The following ROBO1 variants were observed in gnomAD, a reference collection of about 807,000 sequenced individuals.
ROBO1 encodes roundabout guidance receptor 1.
ROBO1 carries 149 observed loss-of-function variants against 195.9 expected under a neutral mutation model. The observed-to-expected ratio is 0.76, with a 90% CI of 0.67 to 0.87. The LOEUF is 0.87. ROBO1 is among the 40% of genes least tolerant of loss of function. The pLI is 0.00. For missense variants in ROBO1, 1,933 were observed against 2,068.3 expected (o/e 0.93, Z 1.27); for synonymous variants, 816 against 733.2 (o/e 1.11, Z -1.82).
rs560540272 is a variant in ROBO1, at chr3:78,919,244, C to T, written c.499+19357G>A. ...GATCCTCTGAACAGGGGAATTCACA[C>T]ACAGACTAGCTTAGACAGTGCAAGG... On this transcript the variant is annotated intron_variant, in intron 4 of 30. Transcript: ENST00000464233. Among the ~76,000 whole-genome samples the T allele has an allele frequency of 9.9e-5, 15 of 152,260 alleles. No homozygotes were observed. The South Asian group carries it at 3.1e-3, about 32-fold the overall frequency.
At chr3:79,672,897 A>G (rs1238930981) in intron 1 of ROBO1, among the ~76,000 whole-genome samples, 2 of 151,982 alleles carry the variant, frequency 1.3e-5, no homozygotes, top group Admixed American at 6.6e-5. Flanking sequence ...CAGCATGTGG[A>G]TGCCAAGATG....
chr3:78,757,499 A>G (rs752255400), intron 4 of ROBO1, among the ~76,000 whole-genome samples: 17 of 151,982 alleles, frequency 1.1e-4, no homozygotes, highest in Admixed American at 2.0e-4. Flanking sequence ...CCACAATACC[A>G]GCAGTTAAAT....
intron 1 of ROBO1, among the ~76,000 whole-genome samples, chr3:79,600,593 T>G (rs1332232611): frequency 6.6e-6 from 1 of 151,790 alleles, no homozygotes; most frequent in Non-Finnish European, 1.5e-5. Context: ...TTAGAGGGGG[T>G]TGCTGTGATC....
At chr3:78,623,489 G>A (rs1704575005) in intron 26 of ROBO1, among the ~76,000 whole-genome samples, 1 of 152,100 alleles carries the variant, frequency 6.6e-6, no homozygotes. Context: ...GGCACACAGG[G>A]GTCAGATCAC....
In ROBO1 at chr3:78,611,312, G is replaced by C. The variant is rs200084068; in HGVS notation, c.4435+3336C>G. ...TGAAAAGTAGGAATGGAGAAATAAT[G>C]TAGATTTGGTTTTTAAATCAACTAT... On this transcript the variant is annotated intron_variant, in intron 28 of 30. Transcript: ENST00000464233. Among the ~76,000 whole-genome samples the C allele has an allele frequency of 7.9e-5, 12 of 152,300 alleles. No homozygotes were observed. The East Asian group carries it at 2.3e-3, about 29-fold the overall frequency.
chr3:79,310,780 A>AG lies in ROBO1; in HGVS notation c.89-185242_89-185241insC, dbSNP rs967375843. Reference sequence around the variant, plus strand: ...ACATTTAAAATGTTTTTAAAATAAAAAAATTAAAGTAAGTTTGTATTTCAA... The same window carrying AG: ...ACATTTAAAATGTTTTTAAAATAAAAGAAATTAAAGTAAGTTTGTATTTCAA... On this transcript the variant is annotated intron_variant, in intron 2 of 30. Transcript: ENST00000464233. 1.4e-3 allele frequency among the ~76,000 whole-genome samples: 211 copies of AG among 152,318 alleles called. 1 individual carries two copies. Among genetic ancestry groups the AG allele is most frequent in the African/African-American group, 4.9e-3 (203 of 41,580 alleles).
At position 79,040,958 on chromosome 3, in the gene ROBO1, C is replaced by T. The variant is rs541844017; in HGVS notation, c.172+84498G>A. On this transcript the variant is annotated intron_variant, in intron 3 of 30. Transcript: ENST00000464233. Reference sequence around the variant, plus strand: ...ACAGCCTGACTCACTCCTTTGACTTCCCTCCTTTGACATCCTCATGAGCCT... The same window carrying T: ...ACAGCCTGACTCACTCCTTTGACTTTCCTCCTTTGACATCCTCATGAGCCT... 2.0e-5 allele frequency among the ~76,000 whole-genome samples: 3 copies of T among 152,302 alleles called. No homozygotes were observed. In the South Asian group the frequency reaches 6.2e-4, roughly 32 times the overall value.
At chr3:78,895,358 C>A (rs1396104366) in intron 4 of ROBO1, among the ~76,000 whole-genome samples, 2 of 152,018 alleles carry the variant, frequency 1.3e-5, no homozygotes, top group Non-Finnish European at 2.9e-5. Context: ...CAAGGGGGAG[C>A]AGGTTGTAAT....
chr3:79,527,443 A>G (rs1407340247), intron 2 of ROBO1, among the ~76,000 whole-genome samples: 1 of 152,200 alleles, frequency 6.6e-6, no homozygotes, highest in Non-Finnish European at 1.5e-5. Flanking sequence ...CACCGAATCT[A>G]AAATAAAAGT....
intron 2 of ROBO1, among the ~76,000 whole-genome samples, chr3:79,126,917 A>C (rs1489141180): frequency 6.6e-6 from 1 of 151,842 alleles, no homozygotes; most frequent in Non-Finnish European, 1.5e-5. Context: ...TGGTTTTTTC[A>C]TGCGGCATAT....
At chr3:78,909,924 A>C (rs558746454) in intron 4 of ROBO1, among the ~76,000 whole-genome samples, 1 of 151,900 alleles carries the variant, frequency 6.6e-6, no homozygotes, top group Non-Finnish European at 1.5e-5. Flanking sequence ...TGATTCTAAT[A>C]TCTCCAGCTA....
chr3:78,833,008 G>T (rs955875981), intron 4 of ROBO1, among the ~76,000 whole-genome samples: 11 of 152,086 alleles, frequency 7.2e-5, no homozygotes, highest in Admixed American at 2.0e-4. Context: ...GCCTCACATC[G>T]CATGCTAAGG....
intron 4 of ROBO1, among the ~76,000 whole-genome samples, chr3:78,889,405 C>T (rs546213430): frequency 6.6e-6 from 1 of 152,224 alleles, no homozygotes; most frequent in East Asian, 1.9e-4. Flanking sequence ...AAACTAAATC[C>T]ACCAACTTGA....
chr3:78,900,047 C>G (rs2037491889), intron 4 of ROBO1, among the ~76,000 whole-genome samples: 1 of 152,144 alleles, frequency 6.6e-6, no homozygotes, highest in African/African-American at 2.4e-5. Flanking sequence ...ACCTGTGAGG[C>G]TATTATTTCT....
At chr3:79,202,008 A>G (rs1177443961) in intron 2 of ROBO1, among the ~76,000 whole-genome samples, 1 of 151,584 alleles carries the variant, frequency 6.6e-6, no homozygotes, top group Non-Finnish European at 1.5e-5. Context: ...TCTTTGCCTG[A>G]TAACTCTTAT....
At chr3:78,916,069 G>C (rs373766195) in intron 4 of ROBO1, among the ~76,000 whole-genome samples, 30 of 151,884 alleles carry the variant, frequency 2.0e-4, no homozygotes, top group Non-Finnish European at 4.0e-4. Flanking sequence ...GGCTAACACA[G>C]TGAAACCCCG....
intron 2 of ROBO1, among the ~76,000 whole-genome samples, chr3:79,314,846 G>C (rs2033662206): frequency 6.6e-6 from 1 of 152,168 alleles, no homozygotes; most frequent in African/African-American, 2.4e-5. Flanking sequence ...AAGATATCCA[G>C]AGTTTGAATA....
At chr3:79,612,524 T>C (rs1254584407) in intron 1 of ROBO1, among the ~76,000 whole-genome samples, 1 of 151,836 alleles carries the variant, frequency 6.6e-6, no homozygotes, top group East Asian at 2.0e-4. Flanking sequence ...GCATGATTTA[T>C]AGTCCTTTGG....
chr3:78,600,106 T>C lies in ROBO1; in HGVS notation c.4941+7A>G. ...CATTGGTAAACTTGGGGAAAAATTA[T>C]AGATACCTCTAATTCTTCATTATTA... On this transcript the variant is annotated splice_region_variant and intron_variant, in intron 30 of 30. Coordinates refer to ENST00000464233, the MANE Select transcript of ROBO1 (RefSeq NM_002941.4). 1.3e-6 allele frequency: 2 copies of C among 1,599,642 alleles called. No homozygotes were observed. The highest frequency in any genetic ancestry group is 1.7e-6 in the Non-Finnish European group (2 of 1,167,466).
Sources: gnomAD v4.1 joint callset for allele counts (sites outside exome capture counted in the v4.1 genomes callset) on GRCh38, gnomAD v4.1.1 for gene constraint, MANE v1.5 for transcripts, NCBI Gene and HGNC (gene_info 2026-07-23, HGNC 2026-07-21) for gene names.